Variants in OVAAL observed in about 807,000 individuals in gnomAD.
OVAAL encodes the protein long intergenic non-protein coding RNA 1131.
intron 2 of OVAAL, among the ~76,000 whole-genome samples, chr1:180,564,429 A>G (rs1653259722): frequency 6.6e-6 from 1 of 152,116 alleles, no homozygotes; most frequent in Non-Finnish European, 1.5e-5. Flanking sequence ...TAGTCTAACT[A>G]GGGTTAGACT....
chr1:180,563,867 A>G (rs1338119511), intron 2 of OVAAL, among the ~76,000 whole-genome samples: 4 of 152,082 alleles, frequency 2.6e-5, no homozygotes, highest in African/African-American at 4.8e-5. Context: ...TTCTATCTAT[A>G]GGGAGACTGC....
intron 2 of OVAAL, among the ~76,000 whole-genome samples, chr1:180,564,329 AT>A (rs1190090422): frequency 6.6e-6 from 1 of 152,190 alleles, no homozygotes; most frequent in Admixed American, 6.5e-5. Context: ...TGTCCTAAAT[AT>A]TTCATAAGAC....
intron 1 of OVAAL, among the ~76,000 whole-genome samples, chr1:180,560,982 A>T (rs975297476): frequency 6.6e-6 from 1 of 152,200 alleles, no homozygotes; most frequent in Non-Finnish European, 1.5e-5. Flanking sequence ...TAGGGTAGGG[A>T]AAATCTGAAT....
chr1:180,565,055 C>T (rs1653267378), intron 2 of OVAAL, among the ~76,000 whole-genome samples: 1 of 152,142 alleles, frequency 6.6e-6, no homozygotes, highest in Admixed American at 6.5e-5. Context: ...ACTGGAGCAC[C>T]TGTTCTGTGT....
At chr1:180,563,321 G>A (rs1335626867) in intron 2 of OVAAL, among the ~76,000 whole-genome samples, 2 of 152,312 alleles carry the variant, frequency 1.3e-5, no homozygotes, top group East Asian at 1.9e-4. Flanking sequence ...GTATAATCTT[G>A]TCTTACTGAG....
intron 1 of OVAAL, chr1:180,562,189 C>T (rs1653217046): frequency 6.6e-6 from 1 of 152,348 alleles, no homozygotes; most frequent in Admixed American, 6.5e-5. Flanking sequence ...ATCAGAGCTC[C>T]TATTTTCTTT....
intron 2 of OVAAL, among the ~76,000 whole-genome samples, chr1:180,562,527 C>T (rs1428057786): frequency 2.0e-5 from 3 of 152,056 alleles, no homozygotes; most frequent in Admixed American, 6.6e-5. Context: ...TAGAGCTGTA[C>T]GAATGCTGTA....
At chr1:180,560,062 T>C (rs1361823636) in intron 1 of OVAAL, among the ~76,000 whole-genome samples, 3 of 152,040 alleles carry the variant, frequency 2.0e-5, no homozygotes, top group Non-Finnish European at 4.4e-5. Context: ...AATAACCATA[T>C]GAGAAGATAC....
chr1:180,562,921 G>C (rs938241995), intron 2 of OVAAL, among the ~76,000 whole-genome samples: 3 of 152,220 alleles, frequency 2.0e-5, no homozygotes, highest in Non-Finnish European at 4.4e-5. Flanking sequence ...TAGTCACAAA[G>C]ATAAAACTGA....
chr1:180,559,235 G>A (rs1193085378), intron 1 of OVAAL, among the ~76,000 whole-genome samples: 1 of 152,182 alleles, frequency 6.6e-6, no homozygotes, highest in Non-Finnish European at 1.5e-5. Context: ...ACAGTTTGGA[G>A]GGCTCAGAAA....
At chr1:180,565,931 C>T (rs929684058) in exon 3 of OVAAL, 6 of 152,156 alleles carry the variant, frequency 3.9e-5, no homozygotes, top group African/African-American at 9.6e-5. Flanking sequence ...GCCAAAAGGC[C>T]GAGAAGAGAT....
chr1:180,564,640 C>G (rs376181612), intron 2 of OVAAL, among the ~76,000 whole-genome samples: 1 of 152,174 alleles, frequency 6.6e-6, no homozygotes, highest in African/African-American at 2.4e-5. Context: ...TAGGAATACG[C>G]TGGGACTAGG....
intron 2 of OVAAL, chr1:180,562,492 T>A (rs987631935): frequency 6.6e-6 from 1 of 152,160 alleles, no homozygotes; most frequent in Non-Finnish European, 1.5e-5. Context: ...AAAGCAAAGA[T>A]AACAGGTGTA....
chr1:180,560,991 A>G (rs1571621099), intron 1 of OVAAL, among the ~76,000 whole-genome samples: 1 of 152,138 alleles, frequency 6.6e-6, no homozygotes, highest in South Asian at 2.1e-4. Context: ...GAAAATCTGA[A>G]TTGGCCTTTC....
At chr1:180,563,604 T>A (rs1393508464) in intron 2 of OVAAL, among the ~76,000 whole-genome samples, 1 of 152,174 alleles carries the variant, frequency 6.6e-6, no homozygotes, top group Non-Finnish European at 1.5e-5. Context: ...TCTCCCCTGA[T>A]TCTTTCGTTG....
At chr1:180,559,615 A>G (rs1414065537) in intron 1 of OVAAL, among the ~76,000 whole-genome samples, 1 of 152,154 alleles carries the variant, frequency 6.6e-6, no homozygotes, top group Non-Finnish European at 1.5e-5. Flanking sequence ...TGCAGTGGAA[A>G]AGAAAAACCC....
chr1:180,559,418 G>A (rs1204924073), intron 1 of OVAAL, among the ~76,000 whole-genome samples: 1 of 152,154 alleles, frequency 6.6e-6, no homozygotes, highest in Non-Finnish European at 1.5e-5. Flanking sequence ...CAAATAGACT[G>A]GCAGCATTTT....
chr1:180,563,590 G>A (rs1173652373), intron 2 of OVAAL, among the ~76,000 whole-genome samples: 1 of 152,130 alleles, frequency 6.6e-6, no homozygotes, highest in African/African-American at 2.4e-5. Context: ...TACTTCTGGG[G>A]TCTTCTCCCC....
At chr1:180,566,178 G>A (rs1274329241) in exon 3 of OVAAL, 4 of 152,190 alleles carry the variant, frequency 2.6e-5, no homozygotes, top group African/African-American at 7.2e-5. Context: ...TCACCACCAG[G>A]GTTGCAGTCA....
Sources: gnomAD v4.1 joint callset for allele counts (sites outside exome capture counted in the v4.1 genomes callset) on GRCh38, gnomAD v4.1.1 for gene constraint, MANE v1.5 for transcripts, NCBI Gene and HGNC (gene_info 2026-07-23, HGNC 2026-07-21) for gene names.